The following FILIP1 variants were observed in gnomAD, a reference collection of about 807,000 sequenced individuals.
FILIP1 encodes filamin-A-interacting protein 1.
Under a neutral mutation model 102.1 loss-of-function variants are expected in FILIP1, and 61 were observed. The ratio of observed to expected loss-of-function variants is 0.60; its 90% confidence interval spans 0.49 to 0.74. The LOEUF (loss-of-function observed/expected upper bound fraction) is 0.74. FILIP1 is among the 30% of genes least tolerant of loss of function. The pLI, the probability that FILIP1 is intolerant of heterozygous loss-of-function variation, is 0.00. For synonymous variants in FILIP1, 491 were observed against 526.9 expected (o/e 0.93, Z 0.93); for missense variants, 1,314 against 1,441.2 (o/e 0.91, Z 1.43).
chr6:75,416,637 T>C (rs1172161360), intron 1 of FILIP1, among the ~76,000 whole-genome samples: 1 of 151,654 alleles, frequency 6.6e-6, no homozygotes, highest in Admixed American at 6.6e-5. Context: ...ATTTAACTCA[T>C]GACCTGTTAT....
chr6:75,452,436 A>G (rs1778665855), intron 1 of FILIP1, among the ~76,000 whole-genome samples: 1 of 152,062 alleles, frequency 6.6e-6, no homozygotes, highest in South Asian at 2.1e-4. Context: ...AAGGACATGA[A>G]CTCATCATTT....
At chr6:75,443,224 T>C (rs1778331867) in intron 1 of FILIP1, among the ~76,000 whole-genome samples, 1 of 152,230 alleles carries the variant, frequency 6.6e-6, no homozygotes, top group Non-Finnish European at 1.5e-5. Context: ...CAAATTATAC[T>C]ATTTATTTAG....
chr6:75,376,369 A>G (rs1369153838), intron 2 of FILIP1, among the ~76,000 whole-genome samples: 2 of 152,174 alleles, frequency 1.3e-5, no homozygotes, highest in African/African-American at 4.8e-5. Flanking sequence ...GCATAGCAAT[A>G]GCTACCTCAC....
At chr6:75,466,918 C>T (rs1779186605) in intron 1 of FILIP1, among the ~76,000 whole-genome samples, 1 of 152,220 alleles carries the variant, frequency 6.6e-6, no homozygotes, top group African/African-American at 2.4e-5. Flanking sequence ...CCCTCTGCCT[C>T]TCTACCTGGG....
chr6:75,433,363 A>G (rs1357192691), intron 1 of FILIP1, among the ~76,000 whole-genome samples: 6 of 152,024 alleles, frequency 3.9e-5, no homozygotes, highest in Non-Finnish European at 7.4e-5. Flanking sequence ...TTTAATGATC[A>G]CCATTCTAAC....
chr6:75,445,647 T>C (rs1416790982), intron 1 of FILIP1, among the ~76,000 whole-genome samples: 2 of 151,988 alleles, frequency 1.3e-5, no homozygotes, highest in Non-Finnish European at 2.9e-5. Flanking sequence ...CAGCACCTAC[T>C]ACATCCTAGC....
intron 1 of FILIP1, among the ~76,000 whole-genome samples, chr6:75,475,815 T>C (rs770886741): frequency 6.6e-6 from 1 of 152,146 alleles, no homozygotes. Flanking sequence ...AAAATGAAAA[T>C]GATAATAGTC....
At chr6:75,364,186 T>C (rs1455936908) in intron 2 of FILIP1, among the ~76,000 whole-genome samples, 3 of 152,082 alleles carry the variant, frequency 2.0e-5, no homozygotes, top group South Asian at 2.1e-4. Context: ...AAATGGAAAA[T>C]ATGAATTTTG....
chr6:75,372,603 AAAAGAAAGAAAGAAAGAAAAAG>A (rs1376718379), intron 2 of FILIP1, among the ~76,000 whole-genome samples: 60 of 136,352 alleles, frequency 4.4e-4, no homozygotes, highest in Middle Eastern at 7.3e-3. Flanking sequence ...GGCTATCAAG[AAAAGAAAGAAAGAAAGAAAAAG>A]AAAGAAAGAA....
chr6:75,408,210 T>C (rs1025150822), intron 2 of FILIP1, among the ~76,000 whole-genome samples: 1 of 152,202 alleles, frequency 6.6e-6, no homozygotes, highest in Non-Finnish European at 1.5e-5. Context: ...ATGGAAACCA[T>C]CCCAGCTACT....
chr6:75,324,761 T>C (rs1393292979), intron 4 of FILIP1, among the ~76,000 whole-genome samples: 1 of 152,166 alleles, frequency 6.6e-6, no homozygotes, highest in Non-Finnish European at 1.5e-5. Flanking sequence ...TGGAACAGAA[T>C]AGAGAACCTG....
chr6:75,405,269 A>T (rs758057604), intron 2 of FILIP1, among the ~76,000 whole-genome samples: 8 of 152,202 alleles, frequency 5.3e-5, no homozygotes, highest in African/African-American at 7.2e-5. Flanking sequence ...AGAGAAAAGC[A>T]ACATGTAATT....
intron 3 of FILIP1, chr6:75,361,995 A>G (rs1176563037): frequency 6.6e-6 from 1 of 152,264 alleles, no homozygotes; most frequent in African/African-American, 2.4e-5. Flanking sequence ...CTTGACATAA[A>G]TTACATGTTA....
chr6:75,470,647 A>C (rs1266829091), intron 1 of FILIP1, among the ~76,000 whole-genome samples: 1 of 152,334 alleles, frequency 6.6e-6, no homozygotes, highest in East Asian at 1.9e-4. Flanking sequence ...AATCAATGGG[A>C]AAATAATGGT....
At chr6:75,443,719 A>G (rs1390437065) in intron 1 of FILIP1, among the ~76,000 whole-genome samples, 2 of 152,254 alleles carry the variant, frequency 1.3e-5, no homozygotes, top group Non-Finnish European at 2.9e-5. Context: ...ATGCAACAAC[A>G]AAAGGCATAC....
At chr6:75,441,273 A>T (rs1357167940) in intron 1 of FILIP1, among the ~76,000 whole-genome samples, 1 of 152,092 alleles carries the variant, frequency 6.6e-6, no homozygotes, top group Non-Finnish European at 1.5e-5. Context: ...GACACAGCAC[A>T]TGTTTCAGAG....
exon 7 of FILIP1, chr6:75,292,540 A>T (rs910033029): frequency 3.9e-5 from 6 of 152,220 alleles, no homozygotes; most frequent in Non-Finnish European, 7.3e-5. Context: ...TACTAGGCCA[A>T]AGTCAATTCC....
At chr6:75,300,194 C>T (rs944978023) in intron 6 of FILIP1, among the ~76,000 whole-genome samples, 1 of 152,122 alleles carries the variant, frequency 6.6e-6, no homozygotes, top group Admixed American at 6.5e-5. Flanking sequence ...AGTTCACATA[C>T]TAAAGACAAA....
intron 1 of FILIP1, among the ~76,000 whole-genome samples, chr6:75,455,691 C>T (rs1778806637): frequency 6.6e-6 from 1 of 152,154 alleles, no homozygotes; most frequent in African/African-American, 2.4e-5. Flanking sequence ...GCTCAAATAA[C>T]CTTCAAGGGC....
Sources: allele counts gnomAD v4.1 joint callset (sites outside exome capture counted in the v4.1 genomes callset), GRCh38; gene constraint gnomAD v4.1.1; transcripts MANE v1.5; gene names NCBI Gene and HGNC (gene_info 2026-07-23, HGNC 2026-07-21).